Variants in TARBP1 observed in about 807,000 individuals in gnomAD.
TARBP1 encodes the protein tRNA guanosine 2 -O-methyltransferase TARBP1.
Under a neutral mutation model 178.6 loss-of-function variants are expected in TARBP1, and 144 were observed. That is an observed-to-expected ratio of 0.81 (90% CI 0.70 to 0.93). The LOEUF is 0.93. TARBP1 is among the 40% of genes least tolerant of loss of function. The pLI, the probability that TARBP1 is intolerant of heterozygous loss-of-function variation, is 0.00. For missense variants in TARBP1, 2,067 were observed against 2,011.7 expected, an observed-to-expected ratio of 1.03 and a Z score of -0.53; for synonymous variants, 787 against 781.0, an observed-to-expected ratio of 1.01 and a Z score of -0.13.
intron 5 of TARBP1, among the ~76,000 whole-genome samples, chr1:234,464,223 T>C (rs1016136231): frequency 2.6e-5 from 4 of 152,228 alleles, no homozygotes; most frequent in African/African-American, 9.6e-5. Flanking sequence ...CTAAACAGTA[T>C]CATAAAAAAT....
chr1:234,464,712 G>A (rs569154743), intron 5 of TARBP1, among the ~76,000 whole-genome samples: 1 of 152,260 alleles, frequency 6.6e-6, no homozygotes, highest in Non-Finnish European at 1.5e-5. Context: ...TCAAGAAATT[G>A]GCTGGTGGGG....
chr1:234,434,537 T>C (rs1243801045), intron 13 of TARBP1, among the ~76,000 whole-genome samples: 1 of 152,116 alleles, frequency 6.6e-6, no homozygotes, highest in East Asian at 1.9e-4. Flanking sequence ...GGCAGGATGG[T>C]GGGACATTCA....
rs528588404 is a variant in TARBP1 at position 234,393,958 on chromosome 1, G to A, written c.4244-121C>T. ...AATTTAGAATGAGATAATTTAGAAT[G>A]AGACTTAACAAAGCATTAAGTAAAA... On this transcript the variant is annotated intron_variant, in intron 26 of 29. Coordinates refer to ENST00000040877, the MANE Select transcript of TARBP1 (RefSeq NM_005646.4). 7.0e-5 allele frequency: 57 copies of A among 819,132 alleles called. 2 individuals are homozygous for A. In the South Asian group the frequency reaches 1.5e-3, roughly 22 times the overall value. The allele number at this position is 819,132 out of a possible 1,614,324, so 50.7% of individuals were successfully genotyped here.
In TARBP1 at chr1:234,429,205, A is replaced by T. The variant is rs12135427; in HGVS notation, c.2991T>A (p.Phe997Leu). 0.014 allele frequency: 22,247 copies of T among 1,607,368 alleles called. 182 individuals are homozygous for T. The highest frequency in any genetic ancestry group is 0.015 in the Non-Finnish European group (17,522 of 1,178,434). ...FWANLKAFVQ[F>L]VFDNKVLTIA... Reference sequence around the variant, plus strand: ...TGGTAAGAACTTTGTTATCAAAAACAAACTGAACAAAAGCTTTTAAATTAG... The same window carrying T: ...TGGTAAGAACTTTGTTATCAAAAACTAACTGAACAAAAGCTTTTAAATTAG... Residue 997 changes from phenylalanine to leucine, a missense_variant, in exon 17 of 30, where the codon TTT (phenylalanine) becomes TTA (leucine). Coordinates refer to ENST00000040877, the MANE Select transcript of TARBP1 (RefSeq NM_005646.4).
At chr1:234,463,782 A>C (rs1668153984) in intron 6 of TARBP1, 55 bp downstream of exon 6, 1 of 1,109,410 alleles carries the variant, frequency 9.0e-7, no homozygotes, top group South Asian at 1.9e-5. Context: ...TTTGCTAAAA[A>C]AAAAAGAAAC....
intron 2 of TARBP1, among the ~76,000 whole-genome samples, chr1:234,472,291 T>C (rs1669133036): frequency 8.3e-6 from 1 of 120,798 alleles, no homozygotes; most frequent in South Asian, 2.6e-4. Flanking sequence ...ATCGTGCCAC[T>C]GAACCCCAGC....
intron 5 of TARBP1, among the ~76,000 whole-genome samples, chr1:234,465,059 G>T (rs1480231880): frequency 6.9e-6 from 1 of 143,902 alleles, no homozygotes; most frequent in African/African-American, 2.6e-5. Context: ...AATATGGATG[G>T]ATGGATGAAC....
Position 234,392,433 on chromosome 1 carries a change from T to C in TARBP1, c.4680A>G (p.Lys1560=). Residue 1560 remains lysine, a synonymous_variant, in exon 29 of 30, where the codon AAA becomes AAG. Coordinates refer to ENST00000040877, the MANE Select transcript of TARBP1 (RefSeq NM_005646.4). ...CTTCTTACCCCAACAAGAGCAGAGA[T>C]TTCTCAGGAAAGCAATATTGGGTTA... ...LDLTQYCFPE[K]SLLLLGNERE... is the part of the protein sequence containing the mutation. 6.2e-7 allele frequency: 1 copy of C among 1,614,054 alleles called. No individual in the cohort carries two copies. Among genetic ancestry groups the C allele is most frequent in the South Asian group, 1.1e-5 (1 of 91,066 alleles).
intron 12 of TARBP1, 88 bp downstream of exon 12, chr1:234,446,710 TCTTTG>T: frequency 8.7e-6 from 8 of 919,012 alleles, no homozygotes; most frequent in Non-Finnish European, 1.0e-5. Context: ...AAAAGTTTTC[TCTTTG>T]TTTTAAAAAG....
At chr1:234,392,005 T>C (rs1283322150) in intron 29 of TARBP1, among the ~76,000 whole-genome samples, 1 of 152,224 alleles carries the variant, frequency 6.6e-6, no homozygotes, top group Non-Finnish European at 1.5e-5. Flanking sequence ...GGGAGCTTCT[T>C]ATAAATGTTA....
In TARBP1 at chr1:234,401,184, T is replaced by C; in HGVS notation, c.4068A>G (p.Leu1356=). 6.2e-7 allele frequency: 1 copy of C among 1,611,854 alleles called. No individual in the cohort carries two copies. The highest frequency in any genetic ancestry group is 1.1e-5 in the South Asian group (1 of 90,884). ...ACAAATGATATTCTCTACTCACCTC[T>C]AGACAATAATCCTTGAGTGGGTGAA... ...ATFHPLKDYC[L]ETIFYILPRL... Residue 1356 remains leucine, a synonymous_variant, in exon 25 of 30, where the codon CTA becomes CTG. Coordinates refer to ENST00000040877, the MANE Select transcript of TARBP1 (RefSeq NM_005646.4).
chr1:234,478,528 G>T lies in TARBP1; in HGVS notation c.576C>A (p.Ala192=). 7.3e-7 allele frequency: 1 copy of T among 1,371,932 alleles called. No individual in the cohort carries two copies. The highest frequency in any genetic ancestry group is 9.4e-7 in the Non-Finnish European group (1 of 1,059,436). 85.0% of individuals were successfully genotyped at this position (1,371,932 alleles called of 1,614,324 possible). The change falls in exon 1 of 30, where the codon GCC becomes GCA. Residue 192 remains alanine, a synonymous_variant. Coordinates refer to ENST00000040877, the MANE Select transcript of TARBP1 (RefSeq NM_005646.4). ...GGACCAGCACTGGCAGCAGTCGCCC[G>T]GCCACCAGCGCCGCCGCGTCCTCGG... ...GPAEDAAALV[A]GRLLPVLVQC...
intron 9 of TARBP1, among the ~76,000 whole-genome samples, chr1:234,456,240 G>A (rs948460274): frequency 2.6e-5 from 4 of 152,154 alleles, no homozygotes; most frequent in Non-Finnish European, 2.9e-5. Flanking sequence ...TCACTCTGTC[G>A]TGCACGCTGG....
At chr1:234,458,417 T>C (rs1201542141) in intron 8 of TARBP1, among the ~76,000 whole-genome samples, 1 of 152,238 alleles carries the variant, frequency 6.6e-6, no homozygotes, top group Non-Finnish European at 1.5e-5. Flanking sequence ...AGGTCTTTCA[T>C]TCCCTTAAGG....
intron 17 of TARBP1, 67 bp from the exon 18 acceptor site, chr1:234,427,833 CTG>C (rs1413431477): frequency 8.5e-7 from 1 of 1,173,662 alleles, no homozygotes; most frequent in African/African-American, 1.6e-5. Context: ...CTGCTAAAAA[CTG>C]TTACTTAGTT....
chr1:234,404,270 A>C (rs1660993630), intron 24 of TARBP1, among the ~76,000 whole-genome samples: 6 of 152,090 alleles, frequency 3.9e-5, no homozygotes. Context: ...ACTCCCTTCC[A>C]TTAAGGAAGG....
At chr1:234,464,971 T>C (rs932421202) in intron 5 of TARBP1, among the ~76,000 whole-genome samples, 1 of 152,120 alleles carries the variant, frequency 6.6e-6, no homozygotes, top group African/African-American at 2.4e-5. Context: ...CACTGTCAGA[T>C]ACGGAAAGGA....
intron 12 of TARBP1, among the ~76,000 whole-genome samples, chr1:234,441,365 G>A (rs1470931546): frequency 2.0e-5 from 3 of 152,090 alleles, no homozygotes; most frequent in Non-Finnish European, 4.4e-5. Flanking sequence ...AAAGGAACTA[G>A]AATAGCTAAA....
At chr1:234,446,764 A>G in intron 12 of TARBP1, 39 bp downstream of exon 12, 5 of 1,598,760 alleles carry the variant, frequency 3.1e-6, no homozygotes, top group Non-Finnish European at 4.3e-6. Flanking sequence ...TACCAATGCT[A>G]TATCAAGCAA....
Sources: allele counts gnomAD v4.1 joint callset (sites outside exome capture counted in the v4.1 genomes callset), GRCh38; gene constraint gnomAD v4.1.1; transcripts MANE v1.5; gene names NCBI Gene and HGNC (gene_info 2026-07-23, HGNC 2026-07-21).